MYO9B: variants seen among roughly 807,000 people sequenced by gnomAD.
The protein encoded by MYO9B is unconventional myosin-IXb.
Under a neutral mutation model 229.5 loss-of-function variants are expected in MYO9B, and 71 were observed. The observed-to-expected ratio is 0.31, with a 90% CI of 0.26 to 0.38. MYO9B has a LOEUF of 0.38. Among genes scored for constraint, MYO9B ranks in the 10% least tolerant of loss-of-function variants. MYO9B has a pLI of 1.00. For synonymous variants in MYO9B, 1,185 were observed against 1,235.8 expected, an observed-to-expected ratio of 0.96 and a Z score of 0.86; for missense variants, 2,255 against 2,920.5, an observed-to-expected ratio of 0.77 and a Z score of 5.25.
Position 17,151,822 on chromosome 19 carries a change from CAGG to C in MYO9B, c.936-819_936-817del, listed in dbSNP as rs2072480178. Among the ~76,000 whole-genome samples the C allele has an allele frequency of 2.0e-5, 3 of 152,156 alleles. No homozygotes were observed. In the South Asian group the frequency reaches 6.2e-4, roughly 31 times the overall value. On this transcript the variant is annotated intron_variant, in intron 3 of 39. Coordinates refer to ENST00000682292, the MANE Select transcript of MYO9B (RefSeq NM_004145.4). Reference sequence around the variant, plus strand: ...TTGAGGTGGGAAGATCACTTGAGCCCAGGAGAACAAGGCTGCATTGAGCCATTA... The same window carrying C: ...TTGAGGTGGGAAGATCACTTGAGCCCAGAACAAGGCTGCATTGAGCCATTA...
At chr19:17,092,892 C>T (rs2057652062) in intron 1 of MYO9B, among the ~76,000 whole-genome samples, 1 of 151,996 alleles carries the variant, frequency 6.6e-6, no homozygotes, top group Non-Finnish European at 1.5e-5. Context: ...ATGGGTGTGT[C>T]CTATGTTGTG....
At position 17,101,785 on chromosome 19, in the gene MYO9B, C is replaced by A; in HGVS notation, c.68C>A (p.Pro23His). The change falls in exon 2 of 40, where the codon CCC (proline) becomes CAC (histidine). Residue 23 changes from proline (P) to histidine (H), a missense_variant. By Grantham distance (77) the Pro-to-His change is moderately conservative. Coordinates refer to ENST00000682292, the MANE Select transcript of MYO9B (RefSeq NM_004145.4). This position sits in a 1 kb window ranked among gnomAD's most constrained non-coding sequence, Gnocchi z 4.7. ...EQAAYHLHIY[P>H]QLSTTESQAS... ...GCGGCCTACCACCTGCACATCTACC[C>A]CCAGCTGTCCACCACCGAGAGCCAG... The A allele has an allele frequency of 6.3e-7, 1 of 1,599,442 alleles. No homozygotes were observed.
intron 2 of MYO9B, among the ~76,000 whole-genome samples, chr19:17,122,910 A>C (rs921441056): frequency 6.6e-6 from 1 of 152,190 alleles, no homozygotes; most frequent in Non-Finnish European, 1.5e-5. Context: ...AGCCTATACA[A>C]CAAAGCAAAA....
Position 17,114,955 on chromosome 19 carries a change from C to A in MYO9B, c.840+12398C>A, listed in dbSNP as rs567322222. On this transcript the variant is annotated intron_variant, in intron 2 of 39. Transcript: ENST00000682292. ...TTTTTTTTTTTTTAATAAAACACTT[C>A]GTCTTTTTAGTGTCTTTTCATTTTT... Among the ~76,000 whole-genome samples, 10 of 141,548 alleles carry A rather than the reference C, an allele frequency of 7.1e-5. No homozygotes were observed. In the East Asian group the frequency reaches 1.9e-3, roughly 27 times the overall value. 92.9% of individuals were successfully genotyped at this position (141,548 alleles called of 152,430 possible). A position where few individuals can be genotyped will look rare whatever the true frequency, so the allele number is the denominator to read the frequency against.
At chr19:17,126,824 C>T (rs867191203) in intron 2 of MYO9B, among the ~76,000 whole-genome samples, 1 of 151,160 alleles carries the variant, frequency 6.6e-6, no homozygotes, top group Non-Finnish European at 1.5e-5. Flanking sequence ...CCACCATGCC[C>T]GGCTAATTTT....
chr19:17,205,855 G>A, intron 31 of MYO9B, 105 bp from the exon 32 acceptor site: 1 of 1,126,530 alleles, frequency 8.9e-7, no homozygotes, highest in Non-Finnish European at 1.2e-6. Flanking sequence ...AACAGCAGAG[G>A]AAGCCCTGAG....
intron 2 of MYO9B, among the ~76,000 whole-genome samples, chr19:17,106,206 G>C (rs2057791821): frequency 6.6e-6 from 1 of 152,130 alleles, no homozygotes; most frequent in African/African-American, 2.4e-5. Flanking sequence ...ATGTTCTCCA[G>C]GCTGGTCTCG....
intron 28 of MYO9B, 108 bp downstream of exon 28, chr19:17,202,411 C>T: frequency 8.9e-7 from 1 of 1,121,266 alleles, no homozygotes; most frequent in Non-Finnish European, 1.3e-6. Flanking sequence ...GCCACACCCA[C>T]CCATGCCCTG....
intron 2 of MYO9B, among the ~76,000 whole-genome samples, chr19:17,130,178 A>C (rs549973723): frequency 2.6e-4 from 40 of 152,228 alleles, no homozygotes; most frequent in Admixed American, 3.3e-4. Flanking sequence ...GATAGAAGAT[A>C]TAGAATTTTT....
intron 1 of MYO9B, among the ~76,000 whole-genome samples, chr19:17,096,517 A>G (rs781291892): frequency 9.2e-5 from 14 of 151,774 alleles, no homozygotes; most frequent in Non-Finnish European, 1.6e-4. Context: ...TTAGCTGGGC[A>G]TGGTGGTACA....
chr19:17,108,853 A>G (rs1453162383), intron 2 of MYO9B, among the ~76,000 whole-genome samples: 2 of 150,846 alleles, frequency 1.3e-5, no homozygotes, highest in Non-Finnish European at 2.9e-5. Context: ...AGCTGGGACT[A>G]CAGGCGCCCA....
At chr19:17,187,869 A>T in intron 18 of MYO9B, 66 bp from the exon 19 acceptor site, 1 of 1,370,102 alleles carries the variant, frequency 7.3e-7, no homozygotes, top group South Asian at 1.2e-5. Context: ...GGCCTGAGCC[A>T]GCAACAGACT....
chr19:17,198,997 T>G (rs2073077571), intron 24 of MYO9B, among the ~76,000 whole-genome samples: 1 of 152,108 alleles, frequency 6.6e-6, no homozygotes, highest in African/African-American at 2.4e-5. Flanking sequence ...AGCCAGGAGT[T>G]CAAGATCAGC....
chr19:17,088,618 G>A (rs1490590816), intron 1 of MYO9B, among the ~76,000 whole-genome samples: 1 of 152,140 alleles, frequency 6.6e-6, no homozygotes, highest in African/African-American at 2.4e-5. Flanking sequence ...ACCAGACCGT[G>A]GTATGAGCCC....
At position 17,206,766 on chromosome 19, in the gene MYO9B, T is replaced by A; in HGVS notation, c.5474T>A (p.Leu1825His). ...PEANHNSLER[L>H]IFHLVKVALL... ...GCCAACCACAACTCCCTGGAGAGAC[T>A]CATCTTCCACCTTGTCAAGCAAGTG... is the stretch of plus-strand genomic sequence containing the variant. Residue 1825 changes from leucine to histidine, a missense_variant, in exon 34 of 40, where the codon CTC becomes CAC. Physicochemically the swap from Leu to His is moderately conservative, Grantham distance 99. Around this residue, in one of 7 missense-constraint regions of MYO9B, gnomAD observed 416 missense variants for 605.5 expected, o/e 0.69. Transcript: ENST00000682292. 1 of 1,588,168 alleles carries A rather than the reference T, an allele frequency of 6.3e-7. No homozygotes were observed. The highest frequency in any genetic ancestry group is 8.6e-7 in the Non-Finnish European group (1 of 1,167,896).
chr19:17,199,770 C>G (rs1380803989), intron 24 of MYO9B, among the ~76,000 whole-genome samples: 2 of 150,220 alleles, frequency 1.3e-5, no homozygotes, highest in African/African-American at 2.5e-5. Flanking sequence ...TCTCAAACTC[C>G]TGGGCTCAGC....
In MYO9B at chr19:17,207,197, C is replaced by A. The variant is rs750243833; in HGVS notation, c.5577C>A (p.Asp1859Glu). 40 of 1,602,786 alleles carry A rather than the reference C, an allele frequency of 2.5e-5. No homozygotes were observed. The highest frequency in any genetic ancestry group is 2.5e-5 in the Non-Finnish European group (29 of 1,175,792). ...IFAPCLLRCPDNSDPLTSMKD... is the reference protein window; with the variant it reads ...IFAPCLLRCPENSDPLTSMKD... Reference sequence around the variant, plus strand: ...CACCCTGCCTCCTGCGCTGCCCTGACAACTCGGACCCGCTGACCAGCATGA... The same window carrying A: ...CACCCTGCCTCCTGCGCTGCCCTGAAAACTCGGACCCGCTGACCAGCATGA... The change falls in exon 35 of 40, where the codon GAC becomes GAA. Residue 1859 changes from aspartate to glutamate, a missense_variant. This residue lies in a region of MYO9B where 416 missense variants were observed against 605.5 expected (regional missense o/e 0.69). Transcript: ENST00000682292.
chr19:17,169,068 C>T (rs1024610210), intron 11 of MYO9B, among the ~76,000 whole-genome samples: 5 of 152,074 alleles, frequency 3.3e-5, no homozygotes, highest in South Asian at 2.1e-4. Context: ...CCAGCCTGGG[C>T]AACACAGAAA....
intron 9 of MYO9B, 112 bp from the exon 10 acceptor site, chr19:17,162,876 A>G (rs763938865): frequency 2.0e-5 from 24 of 1,208,082 alleles, no homozygotes; most frequent in Non-Finnish European, 2.6e-5. Flanking sequence ...CTGCCGAGCA[A>G]CAGGGACTGG....
Sources: allele counts gnomAD v4.1 joint callset (sites outside exome capture counted in the v4.1 genomes callset), GRCh38; gene constraint gnomAD v4.1.1; regional missense constraint gnomAD v4.1.1; non-coding constraint Gnocchi (gnomAD v3.1); transcripts MANE v1.5; gene names NCBI Gene and HGNC (gene_info 2026-07-23, HGNC 2026-07-21).